The following RFFL variants were observed in gnomAD, a reference collection of about 807,000 sequenced individuals.
The protein encoded by RFFL is E3 ubiquitin-protein ligase rififylin.
RFFL carries 16 observed loss-of-function variants against 40.4 expected under a neutral mutation model. The ratio of observed to expected loss-of-function variants is 0.40; its 90% confidence interval spans 0.27 to 0.60. The LOEUF (loss-of-function observed/expected upper bound fraction) is 0.60. RFFL is among the 20% of genes least tolerant of loss of function. The probability of loss-of-function intolerance (pLI) is 0.47; values close to 1 mark genes in which losing one functional copy is unlikely to be tolerated. For synonymous variants in RFFL, 154 were observed against 167.9 expected (o/e 0.92, Z 0.64); for missense variants, 367 against 451.7 (o/e 0.81, Z 1.70).
chr17:35,049,959 G>A (rs1224010163), intron 1 of RFFL, among the ~76,000 whole-genome samples: 1 of 152,066 alleles, frequency 6.6e-6, no homozygotes, highest in African/African-American at 2.4e-5. Flanking sequence ...GTGGGCACCT[G>A]TAATCTCAGC....
In RFFL at chr17:35,072,474, T is replaced by C. The variant is rs544112170; in HGVS notation, c.-9+16631A>G. ...AGATTAGGACAGTAGGGAAAACGGA[T>C]ATGCATGATAATAAAGGAGTAGCAC... On this transcript the variant is annotated intron_variant, in intron 1 of 6. Coordinates refer to the RFFL transcript ENST00000315249. Among the ~76,000 whole-genome samples the C allele has an allele frequency of 8.0e-4, 122 of 152,026 alleles. No homozygotes were observed. In the South Asian group the frequency reaches 0.015, roughly 18 times the overall value.
intron 1 of RFFL, among the ~76,000 whole-genome samples, chr17:35,035,478 T>G (rs1367969901): frequency 6.6e-6 from 1 of 151,598 alleles, no homozygotes; most frequent in Non-Finnish European, 1.5e-5. Context: ...TGAAGTCTTA[T>G]GCTAGGAATA....
At chr17:35,019,933 A>G (rs2090998311) in intron 3 of RFFL, among the ~76,000 whole-genome samples, 1 of 152,248 alleles carries the variant, frequency 6.6e-6, no homozygotes. Flanking sequence ...GTGGTTGTCA[A>G]GAGCTGAATC....
At chr17:35,069,843 C>T (rs1015581003) in intron 1 of RFFL, among the ~76,000 whole-genome samples, 2 of 151,948 alleles carry the variant, frequency 1.3e-5, no homozygotes, top group Non-Finnish European at 2.9e-5. Context: ...CCTCTCTCAT[C>T]CCTTTTATAA....
At chr17:35,072,604 A>C (rs1414056463) in intron 1 of RFFL, among the ~76,000 whole-genome samples, 1 of 151,874 alleles carries the variant, frequency 6.6e-6, no homozygotes. Flanking sequence ...CACACAGAGC[A>C]CCATGTCAGT....
At chr17:35,055,677 A>C (rs542812025) in intron 1 of RFFL, among the ~76,000 whole-genome samples, 236 of 148,648 alleles carry the variant, frequency 1.6e-3, no homozygotes, top group Non-Finnish European at 2.3e-3. Context: ...ATCTCAAAAA[A>C]AAACAAACAA....
At chr17:35,087,582 T>G (rs1391713631) in intron 1 of RFFL, among the ~76,000 whole-genome samples, 1 of 152,162 alleles carries the variant, frequency 6.6e-6, no homozygotes, top group Non-Finnish European at 1.5e-5. Context: ...ATATGAAAGT[T>G]TTTAACAGGC....
Position 35,009,798 on chromosome 17 carries a change from G to T in RFFL, c.*2170C>A, listed in dbSNP as rs1036115561. The T allele has an allele frequency of 6.6e-6, 1 of 152,642 alleles. No homozygotes were observed. The highest frequency in any genetic ancestry group is 1.5e-5 in the Non-Finnish European group (1 of 68,038). 9.5% of individuals were successfully genotyped at this position (152,642 alleles called of 1,614,324 possible). On this transcript the variant is annotated 3_prime_UTR_variant, in exon 7 of 7. Coordinates refer to ENST00000394597, the MANE Select transcript of RFFL (RefSeq NM_001017368.2). Reference sequence around the variant, plus strand: ...AAGGCTTCAGCAGAGAAAGCAGGTTGTAAGTAGAGAGCCAGCTTCTGCCCT... The same window carrying T: ...AAGGCTTCAGCAGAGAAAGCAGGTTTTAAGTAGAGAGCCAGCTTCTGCCCT...
chr17:35,026,166 G>A (rs1354098615), intron 2 of RFFL, among the ~76,000 whole-genome samples: 2 of 152,188 alleles, frequency 1.3e-5, no homozygotes, highest in Admixed American at 6.5e-5. Flanking sequence ...ACTGAATTTA[G>A]GTCTACTGAC....
chr17:35,043,037 C>A (rs2091176624), intron 1 of RFFL, among the ~76,000 whole-genome samples: 1 of 152,070 alleles, frequency 6.6e-6, no homozygotes, highest in South Asian at 2.1e-4. Flanking sequence ...TACTAATAGA[C>A]ATTTTCTATC....
At chr17:35,065,470 C>T (rs982291841), upstream of RFFL, among the ~76,000 whole-genome samples, 11 of 151,034 alleles carry the variant, frequency 7.3e-5, no homozygotes, top group Admixed American at 2.0e-4. Flanking sequence ...GCAGGAGAAT[C>T]GCTTGAACCC....
chr17:35,014,849 C>T, intron 5 of RFFL, 86 bp from the exon 6 acceptor site: 1 of 1,311,672 alleles, frequency 7.6e-7, no homozygotes, highest in Admixed American at 1.7e-5. Flanking sequence ...CATTTCTGAA[C>T]TCTTACCACT....
chr17:35,033,960 G>A lies in RFFL; in HGVS notation c.-8-7399C>T, dbSNP rs941709672. On this transcript the variant is annotated intron_variant, in intron 1 of 6. Coordinates refer to ENST00000394597, the MANE Select transcript of RFFL (RefSeq NM_001017368.2). ...GATCGAGACCATCCTGGCTAACACAGTGAAACCCCGTCTCTACTGAAAATA... is the reference window on the plus strand; with the variant it reads ...GATCGAGACCATCCTGGCTAACACAATGAAACCCCGTCTCTACTGAAAATA... Among the ~76,000 whole-genome samples the A allele has an allele frequency of 2.0e-5, 3 of 151,810 alleles. 1 individual carries two copies. The highest frequency in any genetic ancestry group is 7.3e-5 in the African/African-American group (3 of 41,194).
At chr17:35,062,468 T>C (rs2091297720) in intron 1 of RFFL, among the ~76,000 whole-genome samples, 1 of 152,104 alleles carries the variant, frequency 6.6e-6, no homozygotes, top group South Asian at 2.1e-4. Context: ...CTCTTGCTCA[T>C]TCTACCCTTA....
At chr17:35,077,504 T>C (rs2091382977) in intron 1 of RFFL, among the ~76,000 whole-genome samples, 2 of 152,252 alleles carry the variant, frequency 1.3e-5, no homozygotes, top group Non-Finnish European at 2.9e-5. Context: ...AATTATTGGC[T>C]GGCAACAGAT....
chr17:35,031,844 C>T (rs1411961200), intron 1 of RFFL, among the ~76,000 whole-genome samples: 1 of 151,836 alleles, frequency 6.6e-6, no homozygotes, highest in African/African-American at 2.4e-5. Flanking sequence ...GCCTGTAATC[C>T]CAGCACTTTG....
rs1245356049 is a variant in RFFL at position 35,007,651 on chromosome 17, CTT to C, written c.*4315_*4316del. 1.3e-5 allele frequency: 2 copies of C among 152,222 alleles called. No individual in the cohort carries two copies. Among genetic ancestry groups the C allele is most frequent in the African/African-American group, 4.8e-5 (2 of 41,442 alleles). The allele number at this position is 152,222 out of a possible 1,614,324, so 9.4% of individuals were successfully genotyped here. Reference sequence around the variant, plus strand: ...TCCCAGGGGCTGCATTCTCAGTAGTCTTTTCCCTGCTCCTTGGGCGCCTGGTC... The same window carrying C: ...TCCCAGGGGCTGCATTCTCAGTAGTCTTCCCTGCTCCTTGGGCGCCTGGTC... On this transcript the variant is annotated 3_prime_UTR_variant, in exon 7 of 7. Transcript: ENST00000394597.
At chr17:35,066,419 C>T (rs1383884351), upstream of RFFL, among the ~76,000 whole-genome samples, 2 of 152,078 alleles carry the variant, frequency 1.3e-5, no homozygotes, top group East Asian at 3.9e-4. Flanking sequence ...CAGAAAATTA[C>T]CAAATACATA....
rs979877466 is a variant in RFFL at position 35,007,922 on chromosome 17, G to A, written c.*4046C>T. The A allele has an allele frequency of 5.9e-5, 9 of 152,154 alleles. No individual in the cohort carries two copies. Among genetic ancestry groups the A allele is most frequent in the African/African-American group, 2.2e-4 (9 of 41,414 alleles). 9.4% of individuals were successfully genotyped at this position (152,154 alleles called of 1,614,324 possible). ...TCGCAGCTAAGTTTTTGTATTTTTA[G>A]TAGAGACCACGTTTCGCCATGTTGT... On this transcript the variant is annotated 3_prime_UTR_variant, in exon 7 of 7. Coordinates refer to ENST00000394597, the MANE Select transcript of RFFL (RefSeq NM_001017368.2).
Sources: allele counts gnomAD v4.1 joint callset (sites outside exome capture counted in the v4.1 genomes callset), GRCh38; gene constraint gnomAD v4.1.1; transcripts MANE v1.5; gene names NCBI Gene and HGNC (gene_info 2026-07-23, HGNC 2026-07-21).